DYNC1H1: variants seen among roughly 807,000 people sequenced by gnomAD.
DYNC1H1 encodes cytoplasmic dynein 1 heavy chain 1.
DYNC1H1 carries 51 observed loss-of-function variants against 527.1 expected under a neutral mutation model. The ratio of observed to expected loss-of-function variants is 0.10; its 90% CI spans 0.08 to 0.12. The LOEUF is 0.12. Ranked by LOEUF, DYNC1H1 falls within the 10% of genes least tolerant of loss-of-function variation. The pLI is 1.00. For missense variants in DYNC1H1, 2,771 were observed against 5,971.8 expected (o/e 0.46, Z 17.66); for synonymous variants, 2,189 against 2,278.8 (o/e 0.96, Z 1.12).
intron 16 of DYNC1H1, among the ~76,000 whole-genome samples, chr14:101,999,417 A>G (rs1200925038): frequency 6.6e-6 from 1 of 152,238 alleles, no homozygotes; most frequent in Non-Finnish European, 1.5e-5. Flanking sequence ...TGCTAGGATT[A>G]CAGGCGTTAG....
chr14:102,047,732 CTTTACG>C, intron 72 of DYNC1H1, 79 bp from the exon 73 acceptor site: 2 of 1,565,388 alleles, frequency 1.3e-6, no homozygotes, highest in Non-Finnish European at 1.7e-6. Context: ...ACCATGTGGC[CTTTACG>C]TTCAAGTCCC....
chr14:102,012,130 CTG>C lies in DYNC1H1; in HGVS notation c.6857+21_6857+22del. ...GCTGAGAAAGTACGTCTTCTTTGAT[CTG>C]TGTTTGTGTTCTCCTGGATATGGGC... On this transcript the variant is annotated intron_variant, in intron 33 of 77. Coordinates refer to ENST00000360184, the MANE Select transcript of DYNC1H1 (RefSeq NM_001376.5). The surrounding 1 kb of genome is among the most constrained non-coding windows in gnomAD (Gnocchi z 4.9). 6.2e-7 allele frequency: 1 copy of C among 1,613,958 alleles called. No homozygotes were observed. Among genetic ancestry groups the C allele is most frequent in the South Asian group, 1.1e-5 (1 of 91,070 alleles).
intron 18 of DYNC1H1, 82 bp downstream of exon 18, chr14:102,000,481 G>A (rs2048117161): frequency 7.9e-7 from 1 of 1,271,392 alleles, no homozygotes; most frequent in East Asian, 2.5e-5. Context: ...CCAAGTTTGT[G>A]TATTTGTATT....
chr14:102,033,068 C>T lies in DYNC1H1; in HGVS notation c.10083C>T (p.Asp3361=), dbSNP rs772665813. The T allele has an allele frequency of 5.1e-5, 82 of 1,613,134 alleles. No homozygotes were observed. Among genetic ancestry groups the T allele is most frequent in the Non-Finnish European group, 5.9e-5 (69 of 1,179,252 alleles). Residue 3361 remains aspartate (D), a synonymous_variant, in exon 53 of 78, where the codon GAC becomes GAT. Coordinates refer to ENST00000360184, the MANE Select transcript of DYNC1H1 (RefSeq NM_001376.5). This position sits in a 1 kb window ranked among gnomAD's most constrained non-coding sequence, Gnocchi z 5.6. Reference sequence around the variant, plus strand: ...AAATATCATTCGTCTTTTACAGTGACGCCATAAGGGAGAAGATGAAGAAAA... The same window carrying T: ...AAATATCATTCGTCTTTTACAGTGATGCCATAAGGGAGAAGATGAAGAAAA... ...IVNFSAEEIS[D]AIREKMKKNY... is the part of the protein sequence containing the mutation.
In DYNC1H1 at chr14:102,001,480, G is replaced by A. The variant is rs2048130020; in HGVS notation, c.4396-55G>A. 6.2e-7 allele frequency: 1 copy of A among 1,613,948 alleles called. No individual in the cohort carries two copies. Among genetic ancestry groups the A allele is most frequent in the Non-Finnish European group, 8.5e-7 (1 of 1,179,850 alleles). ...GTTCTTATAATGCTGGGTCCCTTGT[G>A]CAGGTAGTGAATGCCCACATATTGA... On this transcript the variant is annotated intron_variant, in intron 20 of 77. Transcript: ENST00000360184. The surrounding 1 kb of genome is among the most constrained non-coding windows in gnomAD (Gnocchi z 5.0).
Position 102,015,282 on chromosome 14 carries a change from C to T in DYNC1H1, c.7192C>T (p.Arg2398Cys), listed in dbSNP as rs141525226. ...DEGEDEAQRR[R>C]KGKEDEGEEA... ...AGGGGAGGATGAGGCACAGCGGCGG[C>T]GTAAGGGCAAAGAGGATGAGGGGGA... Residue 2398 changes from arginine (R) to cysteine (C), a missense_variant, in exon 35 of 78, where the codon CGT (arginine) becomes TGT (cysteine). Arg to Cys is a radical substitution (Grantham distance 180). This residue lies in a region of DYNC1H1 where 122 missense variants were observed against 168.4 expected (regional missense o/e 0.72). Coordinates refer to ENST00000360184, the MANE Select transcript of DYNC1H1 (RefSeq NM_001376.5). This position sits in a 1 kb window ranked among gnomAD's most constrained non-coding sequence, Gnocchi z 6.9. 339 of 1,614,040 alleles carry T rather than the reference C, an allele frequency of 2.1e-4. 1 individual carries two copies. The highest frequency in any genetic ancestry group is 5.2e-4 in the Admixed American group (31 of 60,002).
At chr14:102,006,445 G>A (rs2048197596) in intron 27 of DYNC1H1, among the ~76,000 whole-genome samples, 3 of 152,180 alleles carry the variant, frequency 2.0e-5, no homozygotes, top group Admixed American at 1.3e-4. Flanking sequence ...ATGTTGGCCA[G>A]GCTGGTCTCG....
chr14:102,004,112 T>C lies in DYNC1H1; in HGVS notation c.4884-406T>C, dbSNP rs1024677615. ...AAAAAAAATTAGCCGGGCGTGGTGG[T>C]GGGCGCCTGTAGTCCCAGCTACTTA... On this transcript the variant is annotated intron_variant, in intron 23 of 77. Transcript: ENST00000360184. Among the ~76,000 whole-genome samples the C allele has an allele frequency of 8.6e-4, 130 of 150,800 alleles. 1 individual carries two copies. Among genetic ancestry groups the C allele is most frequent in the Middle Eastern group, 3.5e-3 (1 of 288 alleles).
chr14:102,050,240 C>T, intron 77 of DYNC1H1, 42 bp downstream of exon 77: 1 of 1,613,780 alleles, frequency 6.2e-7, no homozygotes, highest in Non-Finnish European at 8.5e-7. Flanking sequence ...GCAGGGACCC[C>T]TGCGGTAACA....
At chr14:102,040,852 G>A (rs1306623954) in intron 64 of DYNC1H1, 179 bp downstream of exon 64, 10 of 730,426 alleles carry the variant, frequency 1.4e-5, no homozygotes, top group South Asian at 6.5e-5. Context: ...CCATCTACTC[G>A]GGAGGCTAAA....
intron 73 of DYNC1H1, 162 bp downstream of exon 73, chr14:102,048,190 C>A: frequency 2.1e-6 from 2 of 946,930 alleles, no homozygotes; most frequent in Non-Finnish European, 3.2e-6. Flanking sequence ...AGGCATTGGG[C>A]AAGATGAGTT....
intron 41 of DYNC1H1, among the ~76,000 whole-genome samples, chr14:102,019,302 CT>C (rs1275266675): frequency 1.3e-5 from 2 of 152,214 alleles, no homozygotes; most frequent in Non-Finnish European, 2.9e-5. Context: ...AGAAATGACT[CT>C]CGTTGCTATT....
In DYNC1H1 at chr14:102,007,224, A is replaced by G. The variant is rs145217711; in HGVS notation, c.5817+116A>G. 264 of 1,074,418 alleles carry G rather than the reference A, an allele frequency of 2.5e-4. No individual in the cohort carries two copies. The East Asian group carries it at 5.3e-3, about 22-fold the overall frequency. The allele number at this position is 1,074,418 out of a possible 1,614,324, so 66.6% of individuals were successfully genotyped here. A position where few individuals can be genotyped will look rare whatever the true frequency, so the allele number is the denominator to read the frequency against. ...GGTCTTACAGCTCAGCGTGGTTTAT[A>G]TGGCCTCCTGAGTCCTGTAGTAGGG... On this transcript the variant is annotated intron_variant, in intron 28 of 77. Coordinates refer to ENST00000360184, the MANE Select transcript of DYNC1H1 (RefSeq NM_001376.5).
Position 102,033,656 on chromosome 14 carries a change from GTGT to G in DYNC1H1, c.10413+177_10413+179del. 1.2e-6 allele frequency: 1 copy of G among 836,128 alleles called. No homozygotes were observed. Among genetic ancestry groups the G allele is most frequent in the Non-Finnish European group, 1.9e-6 (1 of 520,212 alleles). The allele number at this position is 836,128 out of a possible 1,614,324, so 51.8% of individuals were successfully genotyped here. Reference sequence around the variant, plus strand: ...ATAATACACACTGAGTAGTCACTAAGTGTTGTTAATTAGGATAGATTGATACAA... The same window carrying G: ...ATAATACACACTGAGTAGTCACTAAGTGTTAATTAGGATAGATTGATACAA... On this transcript the variant is annotated intron_variant, in intron 54 of 77. Coordinates refer to ENST00000360184, the MANE Select transcript of DYNC1H1 (RefSeq NM_001376.5). This position sits in a 1 kb window ranked among gnomAD's most constrained non-coding sequence, Gnocchi z 5.6.
At position 102,039,582 on chromosome 14, in the gene DYNC1H1, G is replaced by A; in HGVS notation, c.11595+36G>A. 1.9e-6 allele frequency: 3 copies of A among 1,614,220 alleles called. No homozygotes were observed. The highest frequency in any genetic ancestry group is 2.5e-6 in the Non-Finnish European group (3 of 1,180,038). On this transcript the variant is annotated intron_variant, in intron 61 of 77. Transcript: ENST00000360184. This position sits in a 1 kb window ranked among gnomAD's most constrained non-coding sequence, Gnocchi z 7.0. ...GTCCTCAGCCGCTCCCTGGCGGGGG[G>A]GAAGCAGGGTGCTGCTTCTCTTATG... is the stretch of plus-strand genomic sequence containing the variant.
In DYNC1H1 at chr14:101,964,823, CGGCGGCGAGGCGCCGGCCGCGCTGGA is replaced by C; in HGVS notation, c.140_165del (p.Glu47AlafsTer35). The C allele has an allele frequency of 6.2e-7, 1 of 1,602,586 alleles. No homozygotes were observed. The highest frequency in any genetic ancestry group is 8.5e-7 in the Non-Finnish European group (1 of 1,175,702). ...AGCTGGTGCCGCTGCTGCTGGAGGA[CGGCGGCGAGGCGCCGGCCGCGCTGGA>C]GGCGGCGCTGGAGGAGAAGAGCGCC... On this transcript the variant is annotated frameshift_variant, in exon 1 of 78. Transcript: ENST00000360184. LOFTEE classifies it high-confidence loss of function. The surrounding 1 kb of genome is among the most constrained non-coding windows in gnomAD (Gnocchi z 5.5).
chr14:102,041,786 C>T lies in DYNC1H1; in HGVS notation c.12102+52C>T. On this transcript the variant is annotated intron_variant, in intron 65 of 77. Transcript: ENST00000360184. The surrounding 1 kb of genome is among the most constrained non-coding windows in gnomAD (Gnocchi z 4.5). ...CCCACGAGACTCCATGCCCACCTCC[C>T]CAGCCACAGGTGGCAGCAGCCCTGG... The T allele has an allele frequency of 1.9e-6, 3 of 1,612,338 alleles. No homozygotes were observed. Among genetic ancestry groups the T allele is most frequent in the Admixed American group, 1.7e-5 (1 of 59,996 alleles).
Position 102,016,272 on chromosome 14 carries a change from G to T in DYNC1H1, c.7474-77G>T. On this transcript the variant is annotated intron_variant, in intron 36 of 77. Coordinates refer to ENST00000360184, the MANE Select transcript of DYNC1H1 (RefSeq NM_001376.5). This position sits in a 1 kb window ranked among gnomAD's most constrained non-coding sequence, Gnocchi z 7.3. ...AGAAGACTGGGAACCACTGTCTTTAGGTTAACTTTGCTGTAAGTGTCTTTC... is the reference window on the plus strand; with the variant it reads ...AGAAGACTGGGAACCACTGTCTTTATGTTAACTTTGCTGTAAGTGTCTTTC... 1 of 1,582,356 alleles carries T rather than the reference G, an allele frequency of 6.3e-7. No homozygotes were observed. Among genetic ancestry groups the T allele is most frequent in the Non-Finnish European group, 8.6e-7 (1 of 1,160,250 alleles).
Position 102,006,953 on chromosome 14 carries a change from A to T in DYNC1H1, c.5717-55A>T, listed in dbSNP as rs1370749994. The T allele has an allele frequency of 4.4e-6, 7 of 1,573,762 alleles. No individual in the cohort carries two copies. In the Admixed American group the frequency reaches 1.2e-4, roughly 26 times the overall value. ...TTTTGTAGTTCTTTTAAAGCTAAAG[A>T]TATGTTTTCAGTTAGGTAATGGACT... On this transcript the variant is annotated intron_variant, in intron 27 of 77. Transcript: ENST00000360184.
Sources: gnomAD v4.1 joint callset for allele counts (sites outside exome capture counted in the v4.1 genomes callset) on GRCh38, gnomAD v4.1.1 for gene constraint, gnomAD v4.1.1 regional missense constraint, Gnocchi (gnomAD v3.1) non-coding constraint, MANE v1.5 for transcripts, NCBI Gene and HGNC (gene_info 2026-07-23, HGNC 2026-07-21) for gene names.